Variants in POU2F1 observed in about 807,000 individuals in gnomAD.
The protein encoded by POU2F1 is POU class 2 homeobox 1.
In POU2F1, 16 loss-of-function variants were observed where a neutral mutation model predicts 84.9. That is an observed-to-expected ratio of 0.19 (90% CI 0.13 to 0.29). The LOEUF is 0.29. Among genes scored for constraint, POU2F1 ranks in the 10% least tolerant of loss-of-function variants. The pLI, the probability that POU2F1 is intolerant of heterozygous loss-of-function variation, is 1.00. For missense variants in POU2F1, 738 were observed against 942.6 expected (o/e 0.78, Z 2.84); for synonymous variants, 368 against 368.3 (o/e 1.00, Z 0.01).
chr1:167,264,561 A>G (rs757698499), intron 1 of POU2F1, among the ~76,000 whole-genome samples: 29 of 152,174 alleles, frequency 1.9e-4, no homozygotes, highest in Admixed American at 1.3e-4. Context: ...GAAGAGTGAC[A>G]CAGTCCAGTT....
intron 1 of POU2F1, among the ~76,000 whole-genome samples, chr1:167,276,111 C>T (rs1042969234): frequency 6.6e-6 from 1 of 152,190 alleles, no homozygotes; most frequent in South Asian, 2.1e-4. Context: ...AACGGAAAAT[C>T]CAAGACATAA....
intron 2 of POU2F1, among the ~76,000 whole-genome samples, chr1:167,358,512 C>G (rs1346304067): frequency 6.6e-6 from 1 of 151,868 alleles, no homozygotes; most frequent in Non-Finnish European, 1.5e-5. Flanking sequence ...GTAAAATCAA[C>G]AAGGCTTTTT....
intron 1 of POU2F1, among the ~76,000 whole-genome samples, chr1:167,227,346 A>C (rs1648713295): frequency 1.3e-5 from 2 of 152,134 alleles, no homozygotes; most frequent in Admixed American, 1.3e-4. Context: ...TTATTATGGC[A>C]GGTTTCCCCC....
intron 1 of POU2F1, among the ~76,000 whole-genome samples, chr1:167,228,175 G>T (rs965872178): frequency 6.6e-6 from 1 of 152,182 alleles, no homozygotes; most frequent in Non-Finnish European, 1.5e-5. Context: ...TCAACATTGT[G>T]ATGTATAGGT....
rs532507850 is a variant in POU2F1, at chr1:167,230,887, C to A, written c.61+9929C>A. 2.6e-5 allele frequency among the ~76,000 whole-genome samples: 4 copies of A among 152,100 alleles called. No individual in the cohort carries two copies. The East Asian group carries it at 7.7e-4, about 29-fold the overall frequency. ...TCAATCTTTGTCACCATGGGGTGACCCATGGAACTTTTTCAACATAAGAAG... is the reference window on the plus strand; with the variant it reads ...TCAATCTTTGTCACCATGGGGTGACACATGGAACTTTTTCAACATAAGAAG... On this transcript the variant is annotated intron_variant, in intron 1 of 15. Transcript: ENST00000367866.
At chr1:167,223,601 CT>C (rs1183318990) in intron 1 of POU2F1, among the ~76,000 whole-genome samples, 1 of 151,958 alleles carries the variant, frequency 6.6e-6, no homozygotes, top group Non-Finnish European at 1.5e-5. Context: ...TTTTGTGGGA[CT>C]TTGGTCTTCA....
At chr1:167,282,167 G>A (rs1252660189) in intron 1 of POU2F1, among the ~76,000 whole-genome samples, 3 of 148,152 alleles carry the variant, frequency 2.0e-5, no homozygotes, top group South Asian at 4.2e-4. Context: ...TTTCTGAGAC[G>A]AGTCTCGCTC....
At position 167,312,249 on chromosome 1, in the gene POU2F1, T is replaced by G. The variant is rs377283309; in HGVS notation, c.62-20221T>G. ...CCGTGCCCAGCCAATTTTTTTTTTTTTGTGAGACAGAGTCTTGCTCTGTCG... is the reference window on the plus strand; with the variant it reads ...CCGTGCCCAGCCAATTTTTTTTTTTGTGTGAGACAGAGTCTTGCTCTGTCG... On this transcript the variant is annotated intron_variant, in intron 1 of 15. Transcript: ENST00000367866. Among the ~76,000 whole-genome samples, 45 of 151,738 alleles carry G rather than the reference T, an allele frequency of 3.0e-4. 1 individual carries two copies. The East Asian group carries it at 8.0e-3, about 27-fold the overall frequency.
At chr1:167,326,713 T>TGG (rs1292641864) in intron 1 of POU2F1, among the ~76,000 whole-genome samples, 3 of 152,078 alleles carry the variant, frequency 2.0e-5, no homozygotes, top group African/African-American at 7.2e-5. Context: ...ACAGGTCTTG[T>TGG]GGGACTCCCT....
At chr1:167,256,934 C>A (rs6667875) in intron 1 of POU2F1, among the ~76,000 whole-genome samples, 91,453 of 151,970 alleles carry the variant, frequency 0.6, 29,668 homozygotes, top group East Asian at 0.87. Context: ...CAGTAAAAAC[C>A]TGTCCGAATG....
At position 167,287,943 on chromosome 1, in the gene POU2F1, G is replaced by A. The variant is rs577646708; in HGVS notation, c.62-44527G>A. Among the ~76,000 whole-genome samples the A allele has an allele frequency of 2.6e-5, 4 of 152,344 alleles. No homozygotes were observed. In the East Asian group the frequency reaches 5.8e-4, roughly 22 times the overall value. On this transcript the variant is annotated intron_variant, in intron 1 of 15. Coordinates refer to ENST00000367866, the MANE Select transcript of POU2F1 (RefSeq NM_002697.4). ...TAAAAGAGCCACATTTAACTACTCA[G>A]TAGCGATGATGGAAGCCTAAAGACG...
chr1:167,258,441 CA>C (rs1309399455), intron 1 of POU2F1, among the ~76,000 whole-genome samples: 1 of 152,022 alleles, frequency 6.6e-6, no homozygotes, highest in South Asian at 2.1e-4. Flanking sequence ...TTACAAATTG[CA>C]AAAAAATTAT....
chr1:167,297,809 A>C (rs1292514050), intron 1 of POU2F1, among the ~76,000 whole-genome samples: 6 of 152,174 alleles, frequency 3.9e-5, no homozygotes, highest in Non-Finnish European at 7.3e-5. Context: ...ATACTTTGGC[A>C]ATCACTAGTG....
chr1:167,310,299 A>G (rs2102598102), intron 1 of POU2F1, among the ~76,000 whole-genome samples: 1 of 152,272 alleles, frequency 6.6e-6, no homozygotes. Flanking sequence ...GTAAAATGAC[A>G]TGATGGGAAA....
At chr1:167,370,713 A>G (rs1171118662) in intron 4 of POU2F1, among the ~76,000 whole-genome samples, 1 of 152,198 alleles carries the variant, frequency 6.6e-6, no homozygotes, top group Non-Finnish European at 1.5e-5. Context: ...AGTTTTTCTC[A>G]TCTGTACTTA....
chr1:167,361,741 A>G (rs955175148), intron 2 of POU2F1, among the ~76,000 whole-genome samples: 2 of 152,132 alleles, frequency 1.3e-5, no homozygotes, highest in Non-Finnish European at 1.5e-5. Context: ...GTTTCAGTAG[A>G]ATTGGTACGA....
rs192789348 is a variant in POU2F1, at chr1:167,350,653, G to A, written c.128-14814G>A. 2.8e-3 allele frequency among the ~76,000 whole-genome samples: 386 copies of A among 137,474 alleles called. 8 individuals carry two copies. Among genetic ancestry groups the A allele is most frequent in the Admixed American group, 0.026 (352 of 13,424 alleles). The allele number at this position is 137,474 out of a possible 152,430, so 90.2% of individuals were successfully genotyped here. A position where few individuals can be genotyped will look rare whatever the true frequency, so the allele number is the denominator to read the frequency against. Reference sequence around the variant, plus strand: ...CTTGCCACTGCACTTCAGCCTGGGCGACAGAGCAAGACTCCATCTCAAAAA... The same window carrying A: ...CTTGCCACTGCACTTCAGCCTGGGCAACAGAGCAAGACTCCATCTCAAAAA... On this transcript the variant is annotated intron_variant, in intron 2 of 15. Transcript: ENST00000367866.
intron 1 of POU2F1, among the ~76,000 whole-genome samples, chr1:167,242,385 A>G (rs1046148422): frequency 6.6e-6 from 1 of 152,208 alleles, no homozygotes; most frequent in Admixed American, 6.5e-5. Flanking sequence ...GACACATAGA[A>G]GGACCTGTTG....
At chr1:167,322,128 C>A (rs1239345642) in intron 1 of POU2F1, among the ~76,000 whole-genome samples, 1 of 152,190 alleles carries the variant, frequency 6.6e-6, no homozygotes, top group Non-Finnish European at 1.5e-5. Context: ...CCTTTAAATT[C>A]TTTACCCTGA....
Sources: gnomAD v4.1 joint callset for allele counts (sites outside exome capture counted in the v4.1 genomes callset) on GRCh38, gnomAD v4.1.1 for gene constraint, MANE v1.5 for transcripts, NCBI Gene and HGNC (gene_info 2026-07-23, HGNC 2026-07-21) for gene names.